EPB41: variants seen among roughly 807,000 people sequenced by gnomAD.
EPB41 encodes erythrocyte membrane protein band 4.1.
EPB41 carries 65 observed loss-of-function variants against 108.0 expected under a neutral mutation model. The ratio of observed to expected loss-of-function variants is 0.60; its 90% CI spans 0.49 to 0.74. EPB41 has a LOEUF of 0.74. EPB41 is among the 30% of genes least tolerant of loss of function. The pLI, the probability that EPB41 is intolerant of heterozygous loss-of-function variation, is 0.00. For missense variants in EPB41, 875 were observed against 1,037.0 expected, an observed-to-expected ratio of 0.84 and a Z score of 2.15; for synonymous variants, 336 against 358.9, an observed-to-expected ratio of 0.94 and a Z score of 0.72.
In EPB41 at chr1:28,923,016, A is replaced by G. The variant is rs1293213504; in HGVS notation, c.-8+8248A>G. Among the ~76,000 whole-genome samples, 4 of 149,262 alleles carry G rather than the reference A, an allele frequency of 2.7e-5. No individual in the cohort carries two copies. The South Asian group carries it at 6.4e-4, about 24-fold the overall frequency. On this transcript the variant is annotated intron_variant, in intron 1 of 20. Transcript: ENST00000343067. ...GTGTTGGGATTATAGGTGTGAGCCA[A>G]CACACTCAGCCGTGATGCACTGTTT...
At chr1:29,034,819 C>G (rs1036637521) in intron 9 of EPB41, among the ~76,000 whole-genome samples, 1 of 152,044 alleles carries the variant, frequency 6.6e-6, no homozygotes, top group Non-Finnish European at 1.5e-5. Flanking sequence ...TCATTAATAA[C>G]AATGTATTGT....
chr1:29,001,269 G>A (rs1191952655), intron 4 of EPB41, among the ~76,000 whole-genome samples: 2 of 152,154 alleles, frequency 1.3e-5, no homozygotes, highest in South Asian at 4.1e-4. Flanking sequence ...GGCAGAGGTC[G>A]CAGGGAGCCG....
At chr1:28,909,112 C>T (rs2092070401) in intron 1 of EPB41, among the ~76,000 whole-genome samples, 1 of 144,984 alleles carries the variant, frequency 6.9e-6, no homozygotes, top group Non-Finnish European at 1.5e-5. Context: ...TGAGCCAAGA[C>T]TGGGCCATTG....
chr1:29,016,785 A>G (rs562289212), intron 6 of EPB41, among the ~76,000 whole-genome samples: 1 of 152,344 alleles, frequency 6.6e-6, no homozygotes, highest in South Asian at 2.1e-4. Context: ...ATAGGGTCTT[A>G]TCCACAGGAG....
At chr1:28,948,949 C>G (rs1253026413) in intron 1 of EPB41, among the ~76,000 whole-genome samples, 1 of 151,752 alleles carries the variant, frequency 6.6e-6, no homozygotes. Context: ...GACTCCATCT[C>G]AAAAAAAGAA....
intron 18 of EPB41, among the ~76,000 whole-genome samples, chr1:29,111,936 C>T (rs1426027674): frequency 6.6e-6 from 1 of 150,882 alleles, no homozygotes; most frequent in East Asian, 2.0e-4. Context: ...GAGATCACAC[C>T]ACTACACTCC....
At chr1:29,040,455 A>G (rs761089015) in intron 11 of EPB41, among the ~76,000 whole-genome samples, 16 of 151,750 alleles carry the variant, frequency 1.1e-4, no homozygotes, top group African/African-American at 1.7e-4. Flanking sequence ...TAATTTTTGT[A>G]TTTTTAGTAG....
chr1:29,096,979 A>C (rs1663428560), intron 16 of EPB41: 1 of 152,190 alleles, frequency 6.6e-6, no homozygotes, highest in African/African-American at 2.4e-5. Flanking sequence ...TTAAAGGGGC[A>C]ACTCATCTTC....
intron 1 of EPB41, among the ~76,000 whole-genome samples, chr1:28,980,743 G>C (rs887902108): frequency 6.6e-5 from 10 of 150,600 alleles, no homozygotes; most frequent in Non-Finnish European, 1.3e-4. Context: ...TATTTTTAAA[G>C]TGTATTATTT....
intron 1 of EPB41, among the ~76,000 whole-genome samples, chr1:28,915,941 G>A (rs770824947): frequency 3.3e-5 from 5 of 151,794 alleles, no homozygotes; most frequent in Non-Finnish European, 7.4e-5. Flanking sequence ...ATTTTAGTTG[G>A]TTTGATCCCT....
chr1:28,997,439 C>T (rs1042237693), intron 4 of EPB41, 120 bp downstream of exon 4: 1 of 694,434 alleles, frequency 1.4e-6, no homozygotes, highest in Non-Finnish European at 2.6e-6. Flanking sequence ...TTCCTGTCTA[C>T]TCTTATTTCT....
At chr1:28,981,200 C>T (rs1426802155) in intron 1 of EPB41, among the ~76,000 whole-genome samples, 1 of 152,186 alleles carries the variant, frequency 6.6e-6, no homozygotes, top group Non-Finnish European at 1.5e-5. Flanking sequence ...GTTTGATCAC[C>T]AGTATTGTTT....
intron 8 of EPB41, among the ~76,000 whole-genome samples, chr1:29,032,262 C>T (rs928244710): frequency 2.6e-5 from 4 of 152,090 alleles, no homozygotes; most frequent in Admixed American, 2.0e-4. Flanking sequence ...CTGCTGGAAG[C>T]TGGTGTCAAT....
At chr1:28,922,445 T>C (rs756074279) in intron 1 of EPB41, among the ~76,000 whole-genome samples, 4 of 151,952 alleles carry the variant, frequency 2.6e-5, no homozygotes, top group Admixed American at 6.6e-5. Context: ...TTTATTGTTA[T>C]CTTTTTATCC....
intron 16 of EPB41, among the ~76,000 whole-genome samples, chr1:29,088,045 C>CTTTTTTTTTTTTTTTTTTTTTTTTTTT (rs750809586): frequency 7.6e-6 from 1 of 131,576 alleles, no homozygotes; most frequent in Non-Finnish European, 1.7e-5. Flanking sequence ...TTCTTTTTTT[C>CTTTTTTTTTTTTTTTTTTTTTTTTTTT]TTTTTTTCTT....
intron 1 of EPB41, among the ~76,000 whole-genome samples, chr1:28,903,806 T>C (rs1320945962): frequency 1.3e-5 from 2 of 152,202 alleles, no homozygotes; most frequent in South Asian, 2.1e-4. Flanking sequence ...AGCATCTCAG[T>C]GGTGAAGTTC....
chr1:28,938,133 G>A (rs1455481477), intron 1 of EPB41, among the ~76,000 whole-genome samples: 1 of 152,198 alleles, frequency 6.6e-6, no homozygotes, highest in Non-Finnish European at 1.5e-5. Flanking sequence ...TGGTAAGTGT[G>A]AGTCCTCTAA....
At chr1:28,903,191 G>A (rs945859419) in intron 1 of EPB41, among the ~76,000 whole-genome samples, 1 of 152,122 alleles carries the variant, frequency 6.6e-6, no homozygotes, top group African/African-American at 2.4e-5. Flanking sequence ...TGGAAATGTA[G>A]GCAATCTGTA....
In EPB41 at chr1:28,975,195, G is replaced by A. The variant is rs2095575282; in HGVS notation, c.-7-12236G>A. ...AATCCACCCACCTCAGGCTCCCAAAGTGCTGGAATTACAGGCGTGAGTTAC... is the reference window on the plus strand; with the variant it reads ...AATCCACCCACCTCAGGCTCCCAAAATGCTGGAATTACAGGCGTGAGTTAC... On this transcript the variant is annotated intron_variant, in intron 1 of 20. Transcript: ENST00000343067. Among the ~76,000 whole-genome samples the A allele has an allele frequency of 2.0e-5, 3 of 152,148 alleles. No individual in the cohort carries two copies. The South Asian group carries it at 6.2e-4, about 32-fold the overall frequency.
Sources: allele counts gnomAD v4.1 joint callset (sites outside exome capture counted in the v4.1 genomes callset), GRCh38; gene constraint gnomAD v4.1.1; transcripts MANE v1.5; gene names NCBI Gene and HGNC (gene_info 2026-07-23, HGNC 2026-07-21).